SLC12A7: variants seen among roughly 807,000 people sequenced by gnomAD.
SLC12A7 encodes solute carrier family 12 member 7.
Under a neutral mutation model 120.6 loss-of-function variants are expected in SLC12A7, and 100 were observed. That is an observed-to-expected ratio of 0.83 (90% CI 0.71 to 0.98). SLC12A7 has a LOEUF of 0.98. Ranked by LOEUF, SLC12A7 falls within the 50% of genes least tolerant of loss-of-function variation. The pLI is 0.00. For synonymous variants in SLC12A7, 760 were observed against 678.0 expected, an observed-to-expected ratio of 1.12 and a Z score of -1.88; for missense variants, 1,373 against 1,548.1, an observed-to-expected ratio of 0.89 and a Z score of 1.90.
intron 1 of SLC12A7, among the ~76,000 whole-genome samples, chr5:1,095,971 C>G (rs1741093977): frequency 6.6e-6 from 1 of 152,172 alleles, no homozygotes; most frequent in African/African-American, 2.4e-5. Context: ...GCGGCCCCAC[C>G]CCTCAAAAAC....
At chr5:1,098,350 GCCCCCTTCTAACCCTCTGCTCACCCA>G in intron 1 of SLC12A7, among the ~76,000 whole-genome samples, 1 of 5,184 alleles carries the variant, frequency 1.9e-4, no homozygotes, top group African/African-American at 9.7e-4. Context: ...TGCACACCCA[GCCCCCTTCTAACCCTCTGCTCACCCA>G]GCCCCCTTCT....
chr5:1,145,931 C>A, the SLC12A7 span, among the ~76,000 whole-genome samples: 8 of 152,132 alleles, frequency 5.3e-5, no homozygotes, highest in Non-Finnish European at 1.2e-4. The surrounding 1 kb of genome is among the most constrained non-coding windows in gnomAD (Gnocchi z 4.4). Context: ...TAAATGCAGT[C>A]ACAATGCTGT....
upstream of SLC12A7, among the ~76,000 whole-genome samples, chr5:1,112,198 GTC>G (rs1743078204): frequency 6.6e-6 from 1 of 151,938 alleles, no homozygotes; most frequent in Non-Finnish European, 1.5e-5. Flanking sequence ...GGCTGCGTCT[GTC>G]TGACCGCCGC....
chr5:1,142,314 C>A, the SLC12A7 span, among the ~76,000 whole-genome samples: 15 of 102,934 alleles, frequency 1.5e-4, no homozygotes, highest in East Asian at 5.7e-3. Flanking sequence ...CCTCCCGTCT[C>A]CCCTCTCCCC....
chr5:1,064,802 G>GGCGAGGGGACA (rs1736773224), intron 18 of SLC12A7, among the ~76,000 whole-genome samples: 2 of 128,146 alleles, frequency 1.6e-5, no homozygotes, highest in African/African-American at 6.0e-5. Flanking sequence ...GCGAGGAGAC[G>GGCGAGGGGACA]GCGAGGGGAC....
At chr5:1,076,277 C>CGTAT in intron 13 of SLC12A7, 41 bp from the exon 14 acceptor site, 1 of 1,523,460 alleles carries the variant, frequency 6.6e-7, no homozygotes, top group Non-Finnish European at 8.9e-7. Context: ...CCACTGGGCC[C>CGTAT]CCCTGAGCCC....
intron 1 of SLC12A7, among the ~76,000 whole-genome samples, chr5:1,111,079 G>A (rs747371629): frequency 3.1e-4 from 47 of 152,196 alleles, no homozygotes; most frequent in Non-Finnish European, 6.5e-4. Flanking sequence ...AGCACGCGGG[G>A]TGGGGGCTGG....
rs183300993 is a variant in SLC12A7, at chr5:1,097,697, G to A, written c.125-3449C>T. ...GCGAGGACGCACAGAAAAGGGGGACGGAATACAGAAAAGCAGGGTGTGGCT... is the reference window on the plus strand; with the variant it reads ...GCGAGGACGCACAGAAAAGGGGGACAGAATACAGAAAAGCAGGGTGTGGCT... On this transcript the variant is annotated intron_variant, in intron 1 of 23. Transcript: ENST00000264930. 5.3e-5 allele frequency among the ~76,000 whole-genome samples: 8 copies of A among 152,262 alleles called. No individual in the cohort carries two copies. The East Asian group carries it at 9.6e-4, about 18-fold the overall frequency.
At chr5:1,126,944 C>T in the SLC12A7 span, among the ~76,000 whole-genome samples, 2,166 of 152,208 alleles carry the variant, frequency 0.014, 53 homozygotes, top group African/African-American at 0.049. Flanking sequence ...TGGGAGGTGG[C>T]TCCTTGCAGT....
intron 6 of SLC12A7, 149 bp from the exon 7 acceptor site, chr5:1,085,622 G>A: frequency 1.7e-6 from 2 of 1,195,704 alleles, no homozygotes; most frequent in South Asian, 1.6e-5. Flanking sequence ...GAGCCCGCGG[G>A]GGTCAGCGCA....
intron 22 of SLC12A7, 129 bp from the exon 23 acceptor site, chr5:1,053,611 G>C (rs1264129250): frequency 1.6e-6 from 2 of 1,236,196 alleles, no homozygotes; most frequent in Non-Finnish European, 2.2e-6. Context: ...GGATCAGGCG[G>C]ATTCTCTGAC....
the SLC12A7 span, among the ~76,000 whole-genome samples, chr5:1,131,664 A>G: frequency 1.3e-5 from 2 of 152,184 alleles, no homozygotes; most frequent in Non-Finnish European, 2.9e-5. Flanking sequence ...CCACCCTGGA[A>G]CGGCTGCTGG....
the SLC12A7 span, among the ~76,000 whole-genome samples, chr5:1,119,986 A>G: frequency 1.3e-5 from 2 of 152,264 alleles, no homozygotes; most frequent in Admixed American, 1.3e-4. Context: ...CCATAGGTCA[A>G]CAGCCTGTCA....
chr5:1,111,718 TCGTG>T, intron 1 of SLC12A7, 146 bp downstream of exon 1: 1 of 826,852 alleles, frequency 1.2e-6, no homozygotes, highest in Non-Finnish European at 1.6e-6. Context: ...GTGGGGGCCC[TCGTG>T]GGGGACCGAG....
At position 1,060,385 on chromosome 5, in the gene SLC12A7, G is replaced by A. The variant is rs1297571442; in HGVS notation, c.2806C>T (p.Leu936=). Residue 936 remains leucine, a synonymous_variant, in exon 21 of 24, where the codon CTG becomes TTG. Transcript: ENST00000264930. The part of the protein sequence containing the change: ...TLMMEQRSQM[L]KQMQLSKNEQ... ...TTCTTGGACAGCTGCATCTGCTTCA[G>A]CATCTGCGACCTCTGCTCCATCATT... 2 of 1,613,652 alleles carry A rather than the reference G, an allele frequency of 1.2e-6. No individual in the cohort carries two copies. Among genetic ancestry groups the A allele is most frequent in the African/African-American group, 1.3e-5 (1 of 74,942 alleles).
intron 17 of SLC12A7, among the ~76,000 whole-genome samples, chr5:1,068,733 G>A (rs1042742354): frequency 4.6e-5 from 7 of 152,408 alleles, no homozygotes; most frequent in Non-Finnish European, 1.0e-4. Flanking sequence ...GCTGTCGGAC[G>A]GAGAGGATCT....
At chr5:1,068,670 G>T (rs953419306) in intron 17 of SLC12A7, among the ~76,000 whole-genome samples, 1 of 152,074 alleles carries the variant, frequency 6.6e-6, no homozygotes, top group African/African-American at 2.4e-5. Flanking sequence ...TCGTCCTCCC[G>T]TCCGCAAGAG....
chr5:1,114,304 G>C (rs979668101), upstream of SLC12A7, among the ~76,000 whole-genome samples: 6 of 152,150 alleles, frequency 3.9e-5, no homozygotes, highest in Non-Finnish European at 8.8e-5. Flanking sequence ...GGGAGACCTC[G>C]GGTGGGGGGT....
At chr5:1,064,839 A>AGGAGATGGCGAGGGGAC (rs1736786804) in intron 18 of SLC12A7, among the ~76,000 whole-genome samples, 4 of 139,982 alleles carry the variant, frequency 2.9e-5, no homozygotes, top group Non-Finnish European at 4.6e-5. Flanking sequence ...GGGGACGGCG[A>AGGAGATGGCGAGGGGAC]AGCGACGGCG....
Sources: gnomAD v4.1 joint callset for allele counts (sites outside exome capture counted in the v4.1 genomes callset) on GRCh38, gnomAD v4.1.1 for gene constraint, Gnocchi (gnomAD v3.1) non-coding constraint, MANE v1.5 for transcripts, NCBI Gene and HGNC (gene_info 2026-07-23, HGNC 2026-07-21) for gene names.